The following CCDC88A variants were observed in gnomAD, a reference collection of about 807,000 sequenced individuals.
CCDC88A encodes coiled-coil and HOOK domain protein 88A.
Under a neutral mutation model 234.3 loss-of-function variants are expected in CCDC88A, and 54 were observed. That is an observed-to-expected ratio of 0.23 (90% CI 0.19 to 0.29). The LOEUF is 0.29. Ranked by LOEUF, CCDC88A falls within the 10% of genes least tolerant of loss-of-function variation. The probability of loss-of-function intolerance (pLI) is 1.00; values close to 1 mark genes in which losing one functional copy is unlikely to be tolerated. For synonymous variants in CCDC88A, 753 were observed against 737.8 expected (o/e 1.02, Z -0.33); for missense variants, 1,832 against 2,123.4 (o/e 0.86, Z 2.70).
rs1670465168 is a variant in CCDC88A at position 55,355,603 on chromosome 2, T to C, written c.776A>G (p.Lys259Arg). The C allele has an allele frequency of 6.2e-7, 1 of 1,614,032 alleles. No individual in the cohort carries two copies. The highest frequency in any genetic ancestry group is 1.7e-5 in the Admixed American group (1 of 60,004). ...CAATTCCTGCCTAAGCCTTCTTATC[T>C]TGGCTTTAGCATCTGCCAGTTCCAC... ...LSVELADAKA[K>R]IRRLRQELEE... Residue 259 changes from lysine (K) to arginine (R), a missense_variant, in exon 8 of 33, where the codon AAG becomes AGG. Lys to Arg is a conservative substitution (Grantham distance 26). This residue lies in a region of CCDC88A where 1,282 missense variants were observed against 1,543.6 expected (regional missense o/e 0.83). Transcript: ENST00000436346.
intron 7 of CCDC88A, among the ~76,000 whole-genome samples, chr2:55,358,430 A>C (rs1057506722): frequency 4.6e-5 from 7 of 152,164 alleles, no homozygotes; most frequent in Non-Finnish European, 1.0e-4. Flanking sequence ...GAAGTTACAC[A>C]GTCCTACTAC....
chr2:55,328,631 C>A lies in CCDC88A; in HGVS notation c.2856-196G>T, dbSNP rs1684541352. 1 of 399,268 alleles carries A rather than the reference C, an allele frequency of 2.5e-6. No individual in the cohort carries two copies. The highest frequency in any genetic ancestry group is 6.0e-5 in the South Asian group (1 of 16,584). The allele number at this position is 399,268 out of a possible 1,614,324, so 24.7% of individuals were successfully genotyped here. A position where few individuals can be genotyped will look rare whatever the true frequency, so the allele number is the denominator to read the frequency against. On this transcript the variant is annotated intron_variant, in intron 16 of 32. Coordinates refer to ENST00000436346, the MANE Select transcript of CCDC88A (RefSeq NM_001365480.1). The surrounding 1 kb of genome is among the most constrained non-coding windows in gnomAD (Gnocchi z 4.3). ...AATCCTGGTAATGAAGCAACAAAAT[C>A]ATTGAGTGAACAGAGCTCCGGATTA... is the stretch of plus-strand genomic sequence containing the variant.
At chr2:55,370,069 T>A (rs1672591375) in intron 5 of CCDC88A, among the ~76,000 whole-genome samples, 1 of 152,210 alleles carries the variant, frequency 6.6e-6, no homozygotes, top group African/African-American at 2.4e-5. Flanking sequence ...CCTCTTTTCT[T>A]GGTAGATACA....
chr2:55,401,736 A>G (rs994288444), intron 2 of CCDC88A, among the ~76,000 whole-genome samples: 4 of 151,816 alleles, frequency 2.6e-5, no homozygotes, highest in Non-Finnish European at 4.4e-5. Flanking sequence ...TACAGAGATT[A>G]CAGACACAGC....
chr2:55,399,633 AT>A (rs1417606411), intron 2 of CCDC88A: 1 of 152,056 alleles, frequency 6.6e-6, no homozygotes, highest in African/African-American at 2.4e-5. Context: ...GTACTAATTA[AT>A]TTTTTAAGCA....
chr2:55,385,834 CAG>C (rs1675489108), intron 3 of CCDC88A, among the ~76,000 whole-genome samples: 1 of 93,080 alleles, frequency 1.1e-5, no homozygotes, highest in Non-Finnish European at 1.9e-5. Flanking sequence ...GCCTAGGTAA[CAG>C]AGTGAAACTC....
intron 31 of CCDC88A, 91 bp downstream of exon 31, chr2:55,295,506 T>C (rs750315586): frequency 1.6e-5 from 25 of 1,608,648 alleles, no homozygotes; most frequent in Non-Finnish European, 1.5e-5. Context: ...CTCAGGCATG[T>C]CTATAGCTAA....
chr2:55,355,402 T>A (rs1670435904), intron 8 of CCDC88A, 177 bp downstream of exon 8: 1 of 569,268 alleles, frequency 1.8e-6, no homozygotes, highest in Non-Finnish European at 3.1e-6. Flanking sequence ...ATAAAAGGCA[T>A]CCTTTAAACT....
intron 2 of CCDC88A, among the ~76,000 whole-genome samples, chr2:55,393,254 A>G (rs576566510): frequency 6.8e-6 from 1 of 146,520 alleles, no homozygotes; most frequent in Admixed American, 6.9e-5. Flanking sequence ...GCTATTGTGT[A>G]ACAGGAATAT....
At chr2:55,358,061 T>C (rs117356114) in intron 7 of CCDC88A, among the ~76,000 whole-genome samples, 8 of 152,306 alleles carry the variant, frequency 5.3e-5, no homozygotes, top group South Asian at 2.1e-4. Flanking sequence ...CTGGCTACTT[T>C]AGAGTTCCTA....
intron 2 of CCDC88A, among the ~76,000 whole-genome samples, chr2:55,393,127 A>G (rs1252732300): frequency 6.6e-6 from 1 of 151,862 alleles, no homozygotes; most frequent in African/African-American, 2.4e-5. Flanking sequence ...CATTGGTAAA[A>G]TTTTAAAATC....
chr2:55,319,979 T>TTATG (rs562640474), intron 18 of CCDC88A, among the ~76,000 whole-genome samples: 224 of 152,268 alleles, frequency 1.5e-3, no homozygotes, highest in African/African-American at 5.1e-3. Context: ...TTTATTGGCT[T>TTATG]TATGTTATAT....
At chr2:55,321,135 T>C (rs1298540399) in intron 18 of CCDC88A, 1 of 146,810 alleles carries the variant, frequency 6.8e-6, no homozygotes, top group Non-Finnish European at 1.5e-5. Context: ...AAAAAAAAGA[T>C]AATAGATGGG....
chr2:55,349,938 A>AG (rs1443527798), intron 8 of CCDC88A: 1 of 164,610 alleles, frequency 6.1e-6, no homozygotes, highest in Non-Finnish European at 1.3e-5. Flanking sequence ...TAAGCTAAGA[A>AG]TTTTTTTTGA....
At chr2:55,355,339 T>C (rs942419834) in intron 8 of CCDC88A, 2 of 380,130 alleles carry the variant, frequency 5.3e-6, no homozygotes, top group Non-Finnish European at 9.5e-6. Flanking sequence ...ATGAGGACAT[T>C]ATTTTATTTA....
intron 4 of CCDC88A, among the ~76,000 whole-genome samples, chr2:55,374,377 T>A (rs925078410): frequency 4.1e-5 from 6 of 147,378 alleles, no homozygotes; most frequent in African/African-American, 1.6e-4. Context: ...TCTAAATAAA[T>A]AAATAAATAA....
intron 2 of CCDC88A, among the ~76,000 whole-genome samples, chr2:55,407,245 T>C (rs1276274402): frequency 6.6e-6 from 1 of 151,398 alleles, no homozygotes; most frequent in Non-Finnish European, 1.5e-5. Flanking sequence ...TGTCTAAAAA[T>C]TTTCCATGAA....
Position 55,362,195 on chromosome 2 carries a change from C to G in CCDC88A, c.627+113G>C, listed in dbSNP as rs963921036. On this transcript the variant is annotated intron_variant, in intron 7 of 32. Coordinates refer to ENST00000436346, the MANE Select transcript of CCDC88A (RefSeq NM_001365480.1). ...CCTGTGTTCCACACAAAAAAAGACA[C>G]TCCTGTATCACCTGTCTCTAAGAAA... is the stretch of plus-strand genomic sequence containing the variant. 74 of 789,294 alleles carry G rather than the reference C, an allele frequency of 9.4e-5. 1 individual carries two copies. Among genetic ancestry groups the G allele is most frequent in the African/African-American group, 1.8e-5 (1 of 54,694 alleles). 48.9% of individuals were successfully genotyped at this position (789,294 alleles called of 1,614,324 possible).
At chr2:55,330,373 T>G (rs995621231) in intron 16 of CCDC88A, among the ~76,000 whole-genome samples, 2 of 152,014 alleles carry the variant, frequency 1.3e-5, no homozygotes, top group African/African-American at 4.8e-5. Flanking sequence ...CTTGGGAGGC[T>G]CAGGCAGGAG....
Sources: gnomAD v4.1 joint callset for allele counts (sites outside exome capture counted in the v4.1 genomes callset) on GRCh38, gnomAD v4.1.1 for gene constraint, gnomAD v4.1.1 regional missense constraint, Gnocchi (gnomAD v3.1) non-coding constraint, MANE v1.5 for transcripts, NCBI Gene and HGNC (gene_info 2026-07-23, HGNC 2026-07-21) for gene names.